The following TENM2 variants were observed in gnomAD, a reference collection of about 807,000 sequenced individuals.
TENM2 encodes the protein teneurin-2.
In TENM2, 52 loss-of-function variants were observed where a neutral mutation model predicts 245.2. The ratio of observed to expected loss-of-function variants is 0.21; its 90% CI spans 0.17 to 0.27. TENM2 has a LOEUF of 0.27. TENM2 is among the 10% of genes least tolerant of loss of function. The pLI, the probability that TENM2 is intolerant of heterozygous loss-of-function variation, is 1.00. For missense variants in TENM2, 3,046 were observed against 3,666.8 expected (o/e 0.83, Z 4.37); for synonymous variants, 1,363 against 1,438.9 (o/e 0.95, Z 1.19).
chr5:167,837,475 T>A (rs1239190190), intron 2 of TENM2, among the ~76,000 whole-genome samples: 1 of 152,168 alleles, frequency 6.6e-6, no homozygotes, highest in African/African-American at 2.4e-5. Flanking sequence ...TAACATTTAT[T>A]AAAATGTTGG....
At chr5:167,852,772 A>C (rs969365522) in intron 2 of TENM2, among the ~76,000 whole-genome samples, 1 of 152,202 alleles carries the variant, frequency 6.6e-6, no homozygotes, top group Non-Finnish European at 1.5e-5. Context: ...GTACTCGTAG[A>C]ATTCAAGAAA....
chr5:167,275,438 A>G, the TENM2 span, among the ~76,000 whole-genome samples: 1 of 152,134 alleles, frequency 6.6e-6, no homozygotes, highest in South Asian at 2.1e-4. Flanking sequence ...CAATCTGTAT[A>G]ACAATTTGGG....
chr5:167,563,012 AT>A (rs1177556043), intron 2 of TENM2, among the ~76,000 whole-genome samples: 2 of 151,966 alleles, frequency 1.3e-5, no homozygotes, highest in Non-Finnish European at 1.5e-5. Context: ...TGTGATCTAC[AT>A]GTTTATGGAG....
chr5:167,707,971 G>A (rs1227727857), intron 2 of TENM2, among the ~76,000 whole-genome samples: 2 of 152,192 alleles, frequency 1.3e-5, no homozygotes, highest in African/African-American at 4.8e-5. Context: ...GGTGCTCGGA[G>A]TTTTCTGGTC....
chr5:167,981,833 G>A (rs1782856467), intron 4 of TENM2, among the ~76,000 whole-genome samples: 1 of 152,148 alleles, frequency 6.6e-6, no homozygotes, highest in African/African-American at 2.4e-5. Context: ...AATTAGGCAG[G>A]CGTGGTGGCG....
intron 2 of TENM2, among the ~76,000 whole-genome samples, chr5:167,654,920 G>A (rs564980944): frequency 9.9e-5 from 15 of 152,200 alleles, no homozygotes; most frequent in Middle Eastern, 6.8e-3. Context: ...TGGTAAAGTT[G>A]CTTCCAAGCT....
chr5:167,843,213 A>G (rs1343200997), intron 2 of TENM2, among the ~76,000 whole-genome samples: 1 of 152,198 alleles, frequency 6.6e-6, no homozygotes, highest in East Asian at 1.9e-4. Context: ...ACCATGGGCT[A>G]ACTCGAAATA....
chr5:167,822,385 C>G (rs1767606341), intron 2 of TENM2, among the ~76,000 whole-genome samples: 1 of 152,152 alleles, frequency 6.6e-6, no homozygotes, highest in Admixed American at 6.6e-5. Context: ...CAGGGAAATG[C>G]AATACTTCTA....
chr5:167,536,551 C>CTA (rs1562035925), intron 2 of TENM2, among the ~76,000 whole-genome samples: 1 of 152,112 alleles, frequency 6.6e-6, no homozygotes, highest in African/African-American at 2.4e-5. Context: ...GGATCATGTA[C>CTA]TATAGTTTTC....
At chr5:167,289,612 G>T (rs1019294453) in intron 1 of TENM2, among the ~76,000 whole-genome samples, 2 of 152,120 alleles carry the variant, frequency 1.3e-5, no homozygotes, top group Non-Finnish European at 2.9e-5. Flanking sequence ...GGCTAGGTTT[G>T]GTTTTGGTAC....
chr5:168,016,236 T>C (rs767724317), intron 5 of TENM2, among the ~76,000 whole-genome samples: 3 of 152,200 alleles, frequency 2.0e-5, no homozygotes, highest in Admixed American at 6.5e-5. Flanking sequence ...AAGTAGCTTG[T>C]CCAAGGTTGT....
At chr5:168,147,076 C>A (rs369272810) in intron 12 of TENM2, among the ~76,000 whole-genome samples, 32 of 152,358 alleles carry the variant, frequency 2.1e-4, no homozygotes, top group Admixed American at 1.8e-3. Flanking sequence ...ACTGCTACTC[C>A]GCATAGGCGT....
intron 2 of TENM2, among the ~76,000 whole-genome samples, chr5:167,375,928 G>A (rs915811537): frequency 6.6e-6 from 1 of 152,040 alleles, no homozygotes; most frequent in African/African-American, 2.4e-5. Context: ...CCTCATATCC[G>A]TATTGAAGAT....
At chr5:167,654,390 G>A (rs1370530137) in intron 2 of TENM2, among the ~76,000 whole-genome samples, 1 of 152,152 alleles carries the variant, frequency 6.6e-6, no homozygotes, top group African/African-American at 2.4e-5. Context: ...TCTGCACTTA[G>A]CAGTCTGGAG....
chr5:167,744,657 C>T (rs1290492390), intron 2 of TENM2, among the ~76,000 whole-genome samples: 2 of 152,124 alleles, frequency 1.3e-5, no homozygotes, highest in African/African-American at 4.8e-5. Flanking sequence ...ATTAATAGCT[C>T]TGGCCGCCCC....
chr5:167,937,131 G>A (rs939310450), intron 3 of TENM2, among the ~76,000 whole-genome samples: 10 of 152,174 alleles, frequency 6.6e-5, no homozygotes, highest in African/African-American at 2.2e-4. Flanking sequence ...TTTGTGGTGA[G>A]AACATTTAAA....
intron 2 of TENM2, among the ~76,000 whole-genome samples, chr5:167,475,829 C>A (rs1196038234): frequency 6.6e-6 from 1 of 152,094 alleles, no homozygotes; most frequent in Non-Finnish European, 1.5e-5. Flanking sequence ...GACATGAACT[C>A]ATTCTTTGTT....
chr5:167,443,919 T>C (rs1243708136), intron 2 of TENM2, among the ~76,000 whole-genome samples: 1 of 152,158 alleles, frequency 6.6e-6, no homozygotes, highest in African/African-American at 2.4e-5. Context: ...ATCTGTCTTA[T>C]GATTACGCAA....
At chr5:167,693,982 C>T (rs1380977392) in intron 2 of TENM2, among the ~76,000 whole-genome samples, 1 of 152,162 alleles carries the variant, frequency 6.6e-6, no homozygotes, top group African/African-American at 2.4e-5. Flanking sequence ...ATTTTGGATG[C>T]ACAACAGACT....
Sources: allele counts gnomAD v4.1 joint callset (sites outside exome capture counted in the v4.1 genomes callset), GRCh38; gene constraint gnomAD v4.1.1; transcripts MANE v1.5; gene names NCBI Gene and HGNC (gene_info 2026-07-23, HGNC 2026-07-21).